Variants in SPATS1 observed in about 807,000 individuals in gnomAD.
SPATS1 encodes spermatogenesis associated serine rich 1.
Under a neutral mutation model 33.6 loss-of-function variants are expected in SPATS1, and 23 were observed. The observed-to-expected ratio is 0.68, with a 90% CI of 0.49 to 0.97. The LOEUF is 0.97. SPATS1 is among the 50% of genes least tolerant of loss of function. The pLI, the probability that SPATS1 is intolerant of heterozygous loss-of-function variation, is 0.00. For synonymous variants in SPATS1, 131 were observed against 125.6 expected (o/e 1.04, Z -0.29); for missense variants, 327 against 361.0 (o/e 0.91, Z 0.76).
chr6:44,366,719 C>T (rs1270051175), intron 5 of SPATS1, among the ~76,000 whole-genome samples: 2 of 152,132 alleles, frequency 1.3e-5, no homozygotes, highest in Admixed American at 6.5e-5. Context: ...AGCTATATAG[C>T]AATCGTATCC....
chr6:44,359,252 C>T (rs879517076), intron 3 of SPATS1, among the ~76,000 whole-genome samples: 11 of 152,132 alleles, frequency 7.2e-5, no homozygotes, highest in African/African-American at 1.2e-4. Flanking sequence ...TGAGCCACTG[C>T]GCCTGCCTGA....
intron 6 of SPATS1, among the ~76,000 whole-genome samples, chr6:44,368,898 ATT>A (rs60261813): frequency 0.011 from 1,422 of 134,542 alleles, 15 homozygotes; most frequent in African/African-American, 0.033. Flanking sequence ...GGTGTATTAC[ATT>A]TTTTTTTTTT....
At chr6:44,358,406 C>T (rs866457471) in intron 3 of SPATS1, among the ~76,000 whole-genome samples, 6 of 152,272 alleles carry the variant, frequency 3.9e-5, no homozygotes, top group Middle Eastern at 3.4e-3. Context: ...GGAAGTTCAG[C>T]GCTAAACATA....
In SPATS1 at chr6:44,343,366, C is replaced by G. The variant is rs924115171; in HGVS notation, c.139+132C>G. On this transcript the variant is annotated intron_variant, in intron 2 of 8. Coordinates refer to ENST00000674044, the MANE Select transcript of SPATS1 (RefSeq NM_001372081.1). ...CTAGTTTGGGGGCATGTAAAAAGAG[C>G]TGCTTGAATAGTAGCTTATGTTTGT... 4.8e-6 allele frequency: 5 copies of G among 1,041,080 alleles called. No homozygotes were observed. In the African/African-American group the frequency reaches 7.8e-5, roughly 16 times the overall value. 64.5% of individuals were successfully genotyped at this position (1,041,080 alleles called of 1,614,324 possible).
intron 2 of SPATS1, among the ~76,000 whole-genome samples, chr6:44,346,673 C>T (rs1787906731): frequency 6.6e-6 from 1 of 152,228 alleles, no homozygotes; most frequent in African/African-American, 2.4e-5. Context: ...CATAAGCCAC[C>T]TTGTCCAGCC....
chr6:44,378,827 C>G lies in SPATS1; in HGVS notation c.*1764C>G, dbSNP rs1042134980. 1 of 152,228 alleles carries G rather than the reference C, an allele frequency of 6.6e-6. No individual in the cohort carries two copies. The highest frequency in any genetic ancestry group is 1.5e-5 in the Non-Finnish European group (1 of 68,118). 9.4% of individuals were successfully genotyped at this position (152,228 alleles called of 1,614,324 possible). Reference sequence around the variant, plus strand: ...GCATTCATGGCACCTTCATATGTGCCTCTAGACTAACTGGCAGAGAGCATG... The same window carrying G: ...GCATTCATGGCACCTTCATATGTGCGTCTAGACTAACTGGCAGAGAGCATG... On this transcript the variant is annotated 3_prime_UTR_variant, in exon 9 of 9. Coordinates refer to ENST00000674044, the MANE Select transcript of SPATS1 (RefSeq NM_001372081.1).
intron 2 of SPATS1, among the ~76,000 whole-genome samples, chr6:44,346,289 A>AAAC (rs1316994919): frequency 4.6e-5 from 7 of 151,568 alleles, no homozygotes; most frequent in African/African-American, 9.7e-5. Flanking sequence ...TCAAAAAAAA[A>AAAC]AACAAACCCA....
intron 2 of SPATS1, among the ~76,000 whole-genome samples, chr6:44,350,773 T>C (rs1788183405): frequency 6.6e-6 from 1 of 152,222 alleles, no homozygotes. Flanking sequence ...TATACAGTCA[T>C]ATCAACGGGT....
At position 44,364,059 on chromosome 6, in the gene SPATS1, A is replaced by G. The variant is rs571078403; in HGVS notation, c.574+2067A>G. Reference sequence around the variant, plus strand: ...CGATGTACTCATCCACTTAGCTTCAATAATGATCAACACCTGGCTAACTTG... The same window carrying G: ...CGATGTACTCATCCACTTAGCTTCAGTAATGATCAACACCTGGCTAACTTG... On this transcript the variant is annotated intron_variant, in intron 5 of 8. Transcript: ENST00000674044. Among the ~76,000 whole-genome samples, 3 of 152,314 alleles carry G rather than the reference A, an allele frequency of 2.0e-5. No individual in the cohort carries two copies. In the East Asian group the frequency reaches 5.8e-4, roughly 29 times the overall value.
chr6:44,377,017 C>T lies in SPATS1; in HGVS notation c.875-18C>T. 1 of 1,614,100 alleles carries T rather than the reference C, an allele frequency of 6.2e-7. No individual in the cohort carries two copies. Among genetic ancestry groups the T allele is most frequent in the East Asian group, 2.2e-5 (1 of 44,884 alleles). On this transcript the variant is annotated intron_variant, in intron 8 of 8. Transcript: ENST00000674044. ...TTGTAATGGAAGAAAACCTGTAACT[C>T]CATGCCTCTATCCACAGGTGCTTTG...
chr6:44,371,492 C>G (rs1308279201), intron 7 of SPATS1, among the ~76,000 whole-genome samples: 1 of 152,120 alleles, frequency 6.6e-6, no homozygotes, highest in Non-Finnish European at 1.5e-5. Flanking sequence ...TTCCTAGATT[C>G]TCTATTTTGT....
rs1458714610 is a variant in SPATS1, at chr6:44,377,070, A to G, written c.*7A>G. On this transcript the variant is annotated 3_prime_UTR_variant, in exon 9 of 9. Coordinates refer to ENST00000674044, the MANE Select transcript of SPATS1 (RefSeq NM_001372081.1). ...CTTTCCAAGACAATCCTGAGCATAA[A>G]CAGGCCCACAAAACATGTGCTGACT... 3 of 1,614,250 alleles carry G rather than the reference A, an allele frequency of 1.9e-6. No individual in the cohort carries two copies. The highest frequency in any genetic ancestry group is 2.5e-6 in the Non-Finnish European group (3 of 1,180,044).
intron 5 of SPATS1, 64 bp from the exon 6 acceptor site, chr6:44,368,315 T>A (rs1189550393): frequency 1.9e-6 from 3 of 1,550,578 alleles, no homozygotes; most frequent in Non-Finnish European, 2.6e-6. Flanking sequence ...ATGCCAATAC[T>A]TACAGCAAAT....
chr6:44,366,017 AT>A (rs1789222124), intron 5 of SPATS1, among the ~76,000 whole-genome samples: 1 of 151,840 alleles, frequency 6.6e-6, no homozygotes, highest in South Asian at 2.1e-4. Context: ...TGTTTGGGAG[AT>A]TTTCCCCCTA....
intron 2 of SPATS1, among the ~76,000 whole-genome samples, chr6:44,345,539 T>C (rs927132694): frequency 1.3e-5 from 2 of 152,134 alleles, no homozygotes; most frequent in Non-Finnish European, 2.9e-5. Context: ...GCCAACCAAT[T>C]CTTGCTTGGG....
At position 44,379,962 on chromosome 6, in the gene SPATS1, T is replaced by G. The variant is rs949058136; in HGVS notation, c.*2899T>G. On this transcript the variant is annotated 3_prime_UTR_variant, in exon 9 of 9. Coordinates refer to ENST00000674044, the MANE Select transcript of SPATS1 (RefSeq NM_001372081.1). ...TTATTCCACGGCACCTCAATAGCTG[T>G]CAGGTAGAGTTCCACTGCCAACTTT... Among the ~76,000 whole-genome samples, 1 of 152,140 alleles carries G rather than the reference T, an allele frequency of 6.6e-6. No individual in the cohort carries two copies. Among genetic ancestry groups the G allele is most frequent in the Non-Finnish European group, 1.5e-5 (1 of 68,028 alleles).
chr6:44,376,948 G>T, intron 8 of SPATS1, 87 bp from the exon 9 acceptor site: 2 of 1,506,356 alleles, frequency 1.3e-6, no homozygotes, highest in South Asian at 1.1e-5. Flanking sequence ...AGATGTCATA[G>T]CCAAGCATTG....
chr6:44,375,804 AAAAC>A (rs1789903128), intron 7 of SPATS1, among the ~76,000 whole-genome samples: 1 of 150,182 alleles, frequency 6.7e-6, no homozygotes, highest in South Asian at 2.1e-4. Context: ...TCTGTCTCAA[AAAAC>A]AAACAAAAAA....
chr6:44,345,966 G>A (rs1787852913), intron 2 of SPATS1, among the ~76,000 whole-genome samples: 1 of 152,052 alleles, frequency 6.6e-6, no homozygotes, highest in Non-Finnish European at 1.5e-5. Context: ...ACAAATAATG[G>A]CATCTCATTT....
Sources: allele counts gnomAD v4.1 joint callset (sites outside exome capture counted in the v4.1 genomes callset), GRCh38; gene constraint gnomAD v4.1.1; transcripts MANE v1.5; gene names NCBI Gene and HGNC (gene_info 2026-07-23, HGNC 2026-07-21).